WAC: variants seen among roughly 807,000 people sequenced by gnomAD.
WAC encodes the protein WW domain containing adaptor with coiled-coil, also known as WW domain-containing adapter protein with coiled-coil.
In WAC, 11 loss-of-function variants were observed where a neutral mutation model predicts 79.6. That is an observed-to-expected ratio of 0.14 (90% CI 0.09 to 0.23). The LOEUF is 0.23. WAC is among the 10% of genes least tolerant of loss of function. The pLI is 1.00. For synonymous variants in WAC, 304 were observed against 276.9 expected (o/e 1.10, Z -0.97); for missense variants, 728 against 773.5 (o/e 0.94, Z 0.70).
chr10:28,533,755 C>G, intron 1 of WAC, 135 bp downstream of exon 1: 4 of 693,258 alleles, frequency 5.8e-6, no homozygotes, highest in African/African-American at 2.0e-5. Context: ...GGAGGAGGAG[C>G]GGCCGCGCGG....
At chr10:28,581,938 CTATA>C (rs1189001506) in intron 3 of WAC, among the ~76,000 whole-genome samples, 2 of 152,120 alleles carry the variant, frequency 1.3e-5, no homozygotes, top group East Asian at 3.9e-4. Flanking sequence ...GGTATTCTAT[CTATA>C]TAAGTAGAAT....
chr10:28,572,903 C>A (rs556945725), intron 3 of WAC, among the ~76,000 whole-genome samples: 4 of 152,148 alleles, frequency 2.6e-5, no homozygotes, highest in African/African-American at 9.7e-5. Context: ...TAGAAACATT[C>A]ATAAGTATCT....
At chr10:28,614,849 A>G (rs1337136883) in intron 11 of WAC, 164 bp downstream of exon 11, 1 of 537,938 alleles carries the variant, frequency 1.9e-6, no homozygotes, top group East Asian at 3.2e-5. Context: ...CCTGTATACA[A>G]GAGGTAGGTT....
At chr10:28,571,702 A>G (rs968583110) in intron 3 of WAC, among the ~76,000 whole-genome samples, 2 of 152,208 alleles carry the variant, frequency 1.3e-5, no homozygotes, top group African/African-American at 4.8e-5. Flanking sequence ...GGTGAGTTCC[A>G]TGTGGCTTCC....
At position 28,533,142 on chromosome 10, in the gene WAC, A is replaced by AGCGGCAGCGGCG. The variant is rs1554775564; in HGVS notation, c.-435_-424dup. On this transcript the variant is annotated 5_prime_UTR_variant, in exon 1 of 14. Transcript: ENST00000354911. ...CGAGTTGCCCGGATGTAGTTGGTGG[A>AGCGGCAGCGGCG]GCGGCAGCGGCGGCACCAGCGGCGG... The AGCGGCAGCGGCG allele has an allele frequency of 7.8e-5, 13 of 165,618 alleles. No homozygotes were observed. In the East Asian group the frequency reaches 1.1e-3, roughly 14 times the overall value. The allele number at this position is 165,618 out of a possible 1,614,324, so 10.3% of individuals were successfully genotyped here. A position where few individuals can be genotyped will look rare whatever the true frequency, so the allele number is the denominator to read the frequency against.
In WAC at chr10:28,588,723, T is replaced by A. The variant is rs754769831; in HGVS notation, c.382-1013T>A. 11 of 152,224 alleles carry A rather than the reference T, an allele frequency of 7.2e-5. No individual in the cohort carries two copies. In the East Asian group the frequency reaches 1.2e-3, roughly 16 times the overall value. The allele number at this position is 152,224 out of a possible 1,614,324, so 9.4% of individuals were successfully genotyped here. On this transcript the variant is annotated intron_variant, in intron 4 of 13. Transcript: ENST00000354911. ...ATTTTTTTAAGTGGTTTAATCTTTTTAAATATTTTTTAATTTTTCTAAATT... is the reference window on the plus strand; with the variant it reads ...ATTTTTTTAAGTGGTTTAATCTTTTAAAATATTTTTTAATTTTTCTAAATT...
At chr10:28,616,820 G>T (rs1048199334) in intron 12 of WAC, among the ~76,000 whole-genome samples, 1 of 152,188 alleles carries the variant, frequency 6.6e-6, no homozygotes, top group Non-Finnish European at 1.5e-5. Context: ...GCTCATACCT[G>T]TAATCCCAAC....
chr10:28,550,188 T>A (rs1837582469), intron 3 of WAC, among the ~76,000 whole-genome samples: 2 of 151,958 alleles, frequency 1.3e-5, no homozygotes, highest in South Asian at 2.1e-4. Context: ...AAAGTTTGTT[T>A]TATGAGCCAC....
intron 3 of WAC, among the ~76,000 whole-genome samples, chr10:28,542,645 CA>C (rs2132358190): frequency 6.6e-6 from 1 of 152,270 alleles, no homozygotes; most frequent in South Asian, 2.1e-4. Context: ...TGATACGAGA[CA>C]AAAACTTGTA....
chr10:28,558,810 A>G (rs1027684939), intron 3 of WAC, among the ~76,000 whole-genome samples: 1 of 152,234 alleles, frequency 6.6e-6, no homozygotes, highest in Admixed American at 6.5e-5. Flanking sequence ...AGAGTAGAAT[A>G]TAATTTTTGT....
At chr10:28,576,538 A>G (rs1839254279) in intron 3 of WAC, among the ~76,000 whole-genome samples, 1 of 152,216 alleles carries the variant, frequency 6.6e-6, no homozygotes. Flanking sequence ...CTTATTATAA[A>G]CTAAAGTTGT....
rs1331922737 is a variant in WAC, at chr10:28,621,386, G to A, written c.*1780G>A. On this transcript the variant is annotated 3_prime_UTR_variant, in exon 14 of 14. Coordinates refer to ENST00000354911, the MANE Select transcript of WAC (RefSeq NM_016628.5). ...TTAAGCATATATTGAAAGTATGGAA[G>A]TTAAATGTTCAGGCTTTTCAGTAAG... is the stretch of plus-strand genomic sequence containing the variant. 1 of 152,054 alleles carries A rather than the reference G, an allele frequency of 6.6e-6. No homozygotes were observed. Among genetic ancestry groups the A allele is most frequent in the Non-Finnish European group, 1.5e-5 (1 of 68,002 alleles). 9.4% of individuals were successfully genotyped at this position (152,054 alleles called of 1,614,324 possible). A position where few individuals can be genotyped will look rare whatever the true frequency, so the allele number is the denominator to read the frequency against.
intron 12 of WAC, 123 bp downstream of exon 12, chr10:28,616,485 T>A: frequency 1.2e-6 from 1 of 833,864 alleles, no homozygotes. Context: ...AATCTCTAAC[T>A]TTGTAGTCAT....
At chr10:28,561,471 C>T (rs1838295599) in intron 3 of WAC, among the ~76,000 whole-genome samples, 1 of 151,370 alleles carries the variant, frequency 6.6e-6, no homozygotes, top group South Asian at 2.1e-4. Flanking sequence ...AGAATTTAAT[C>T]CAAAATGAAA....
intron 9 of WAC, 59 bp from the exon 10 acceptor site, chr10:28,611,715 C>A (rs1164517704): frequency 6.3e-7 from 1 of 1,583,690 alleles, no homozygotes; most frequent in African/African-American, 1.4e-5. Context: ...TTACAAAGGA[C>A]TTTAGTTTTT....
At chr10:28,588,226 TC>T (rs1223187203) in intron 4 of WAC, among the ~76,000 whole-genome samples, 1 of 152,150 alleles carries the variant, frequency 6.6e-6, no homozygotes, top group African/African-American at 2.4e-5. Context: ...GGGAAGAACT[TC>T]CTGAATTTGG....
intron 3 of WAC, among the ~76,000 whole-genome samples, chr10:28,537,206 C>G (rs986057104): frequency 2.6e-5 from 4 of 152,182 alleles, no homozygotes; most frequent in African/African-American, 9.7e-5. Flanking sequence ...ACAGTAGTAG[C>G]AGGTGTATTT....
At chr10:28,594,313 A>G (rs1840243426) in intron 6 of WAC, among the ~76,000 whole-genome samples, 1 of 152,220 alleles carries the variant, frequency 6.6e-6, no homozygotes, top group African/African-American at 2.4e-5. Context: ...AGGGTTGGGC[A>G]TGATATTATT....
At chr10:28,557,812 C>A (rs1045337346) in intron 3 of WAC, among the ~76,000 whole-genome samples, 1 of 152,136 alleles carries the variant, frequency 6.6e-6, no homozygotes, top group African/African-American at 2.4e-5. Flanking sequence ...CAGTGGCTCA[C>A]GCCTGTAATC....
Sources: allele counts gnomAD v4.1 joint callset (sites outside exome capture counted in the v4.1 genomes callset), GRCh38; gene constraint gnomAD v4.1.1; transcripts MANE v1.5; gene names NCBI Gene and HGNC (gene_info 2026-07-23, HGNC 2026-07-21).